AHCTF1: variants seen among roughly 807,000 people sequenced by gnomAD.
AHCTF1 encodes AT-hook containing transcription factor 1.
Under a neutral mutation model 248.4 loss-of-function variants are expected in AHCTF1, and 24 were observed. The ratio of observed to expected loss-of-function variants is 0.10; its 90% CI spans 0.07 to 0.14. The LOEUF is 0.14. AHCTF1 is among the 10% of genes least tolerant of loss of function. The probability of loss-of-function intolerance (pLI) is 1.00; values close to 1 mark genes in which losing one functional copy is unlikely to be tolerated. For synonymous variants in AHCTF1, 786 were observed against 929.8 expected, an observed-to-expected ratio of 0.85 and a Z score of 2.81; for missense variants, 2,206 against 2,636.2, an observed-to-expected ratio of 0.84 and a Z score of 3.57.
At chr1:246,891,543 TTAA>T (rs1179811733) in intron 15 of AHCTF1, among the ~76,000 whole-genome samples, 2 of 152,208 alleles carry the variant, frequency 1.3e-5, no homozygotes, top group African/African-American at 4.8e-5. Flanking sequence ...TACATTAATC[TTAA>T]TAATCATTAA....
intron 20 of AHCTF1, among the ~76,000 whole-genome samples, chr1:246,886,426 T>C (rs987097074): frequency 1.3e-5 from 2 of 152,200 alleles, no homozygotes; most frequent in African/African-American, 4.8e-5. Flanking sequence ...AGCATTTACA[T>C]TGTATTAGAT....
At chr1:246,869,806 T>C (rs951133724) in intron 24 of AHCTF1, among the ~76,000 whole-genome samples, 1 of 152,202 alleles carries the variant, frequency 6.6e-6, no homozygotes, top group African/African-American at 2.4e-5. Context: ...CGAATGCTGT[T>C]AGCAGGCATG....
At chr1:246,851,507 C>T (rs1660718380) in intron 32 of AHCTF1, 65 bp from the exon 33 acceptor site, 1 of 1,432,506 alleles carries the variant, frequency 7.0e-7, no homozygotes, top group East Asian at 2.4e-5. Flanking sequence ...TTGAAGCACA[C>T]AGGTTTTTGA....
At chr1:246,856,992 T>G (rs1382233982) in intron 30 of AHCTF1, among the ~76,000 whole-genome samples, 2 of 152,234 alleles carry the variant, frequency 1.3e-5, no homozygotes, top group Non-Finnish European at 2.9e-5. Context: ...ACAACGGTGT[T>G]ATTCAAAAGT....
At chr1:246,875,593 T>C (rs536391378) in intron 24 of AHCTF1, among the ~76,000 whole-genome samples, 1 of 152,308 alleles carries the variant, frequency 6.6e-6, no homozygotes, top group Non-Finnish European at 1.5e-5. Context: ...ATGGCCAACT[T>C]CACTGTGTCA....
intron 1 of AHCTF1, among the ~76,000 whole-genome samples, chr1:246,929,835 C>CCT (rs1401491574): frequency 1.3e-5 from 2 of 152,220 alleles, no homozygotes; most frequent in Non-Finnish European, 2.9e-5. Context: ...GGGCGGATCA[C>CCT]GAGGTCAGAA....
intron 1 of AHCTF1, among the ~76,000 whole-genome samples, chr1:246,929,908 C>T (rs1479426827): frequency 3.9e-5 from 6 of 152,176 alleles, no homozygotes; most frequent in East Asian, 1.9e-4. Context: ...AAAAATTAGC[C>T]GGGTGTGGTG....
At chr1:246,918,176 C>T (rs1666277682) in intron 2 of AHCTF1, 74 bp downstream of exon 2, 1 of 1,325,896 alleles carries the variant, frequency 7.5e-7, no homozygotes, top group East Asian at 2.8e-5. Flanking sequence ...CATAAAGAAA[C>T]TATAATATAT....
At chr1:246,919,440 G>A (rs1344634346) in intron 1 of AHCTF1, among the ~76,000 whole-genome samples, 4 of 152,090 alleles carry the variant, frequency 2.6e-5, no homozygotes, top group Admixed American at 6.5e-5. Context: ...GAGGCCGGGC[G>A]TGGTGGCTCA....
At chr1:246,889,885 A>G in intron 17 of AHCTF1, 81 bp downstream of exon 17, 1 of 989,898 alleles carries the variant, frequency 1.0e-6, no homozygotes, top group Non-Finnish European at 1.5e-6. Context: ...TACCCATTTA[A>G]TCACTTTGTA....
chr1:246,868,834 T>G (rs921277584), intron 24 of AHCTF1, among the ~76,000 whole-genome samples: 2 of 134,296 alleles, frequency 1.5e-5, no homozygotes, highest in Admixed American at 1.6e-4. Flanking sequence ...CTTCATTGTG[T>G]GTGTGTTTTT....
At chr1:246,865,110 G>A (rs1315310731) in intron 26 of AHCTF1, 1 of 152,106 alleles carries the variant, frequency 6.6e-6, no homozygotes, top group Non-Finnish European at 1.5e-5. Context: ...CTCAAAAGTC[G>A]GGTTTTCAGG....
At chr1:246,841,481 TA>T (rs763118695) in intron 35 of AHCTF1, among the ~76,000 whole-genome samples, 28 of 152,314 alleles carry the variant, frequency 1.8e-4, no homozygotes, top group Admixed American at 1.0e-3. Context: ...CATAGTGTCT[TA>T]AATAAAATGC....
intron 1 of AHCTF1, among the ~76,000 whole-genome samples, chr1:246,924,103 C>G (rs1666767119): frequency 6.6e-6 from 1 of 152,108 alleles, no homozygotes; most frequent in African/African-American, 2.4e-5. Context: ...GTTCCAACAC[C>G]CAGCCCAAGC....
chr1:246,925,295 A>AT (rs1400412948), intron 1 of AHCTF1, among the ~76,000 whole-genome samples: 1 of 152,208 alleles, frequency 6.6e-6, no homozygotes, highest in African/African-American at 2.4e-5. Context: ...TTTTGGAAAG[A>AT]TTTTCACAAA....
intron 13 of AHCTF1, among the ~76,000 whole-genome samples, chr1:246,895,378 C>T (rs1664500032): frequency 6.6e-6 from 1 of 152,100 alleles, no homozygotes; most frequent in Non-Finnish European, 1.5e-5. Context: ...AAACTATTCT[C>T]AAATGGTTCT....
intron 31 of AHCTF1, among the ~76,000 whole-genome samples, chr1:246,854,663 A>C (rs1256351416): frequency 1.3e-5 from 2 of 152,166 alleles, no homozygotes; most frequent in Non-Finnish European, 2.9e-5. Flanking sequence ...TACACAAAAC[A>C]CTTTACATGC....
At chr1:246,882,808 T>C (rs1663545242) in intron 21 of AHCTF1, among the ~76,000 whole-genome samples, 1 of 152,184 alleles carries the variant, frequency 6.6e-6, no homozygotes, top group Non-Finnish European at 1.5e-5. Flanking sequence ...ACGCCACAGT[T>C]GTGATGGTAT....
At chr1:246,857,624 T>C in intron 30 of AHCTF1, 67 bp downstream of exon 30, 3 of 1,494,610 alleles carry the variant, frequency 2.0e-6, no homozygotes, top group African/African-American at 1.4e-5. Flanking sequence ...CAGAATATTT[T>C]ACTTCTGGTT....
Sources: allele counts gnomAD v4.1 joint callset (sites outside exome capture counted in the v4.1 genomes callset), GRCh38; gene constraint gnomAD v4.1.1; transcripts MANE v1.5; gene names NCBI Gene and HGNC (gene_info 2026-07-23, HGNC 2026-07-21).